L3MBTL2: variants seen among roughly 807,000 people sequenced by gnomAD.
L3MBTL2 encodes the protein L3MBTL histone methyl-lysine binding protein 2.
In L3MBTL2, 49 loss-of-function variants were observed where a neutral mutation model predicts 86.4. The observed-to-expected ratio is 0.57, with a 90% confidence interval of 0.45 to 0.72. The LOEUF (loss-of-function observed/expected upper bound fraction) is 0.72. L3MBTL2 is among the 30% of genes least tolerant of loss of function. The pLI is 0.00. For missense variants in L3MBTL2, 755 were observed against 923.7 expected (o/e 0.82, Z 2.37); for synonymous variants, 336 against 350.6 (o/e 0.96, Z 0.47).
intron 1 of L3MBTL2, chr22:41,205,916 A>G (rs1405728559): frequency 6.3e-6 from 1 of 159,112 alleles, no homozygotes; most frequent in Non-Finnish European, 1.4e-5. Context: ...GATTGGCACT[A>G]AGTCTGTCCG....
At chr22:41,208,263 G>A (rs766947575) in intron 1 of L3MBTL2, 104 of 417,720 alleles carry the variant, frequency 2.5e-4, no homozygotes, top group Non-Finnish European at 4.3e-4. Flanking sequence ...CCAAGAAGCT[G>A]GGACTACAGG....
intron 2 of L3MBTL2, among the ~76,000 whole-genome samples, chr22:41,213,149 A>G (rs1223340093): frequency 6.6e-6 from 1 of 152,108 alleles, no homozygotes; most frequent in African/African-American, 2.4e-5. Flanking sequence ...CCCGGGAGGC[A>G]GAGCTTGCAG....
chr22:41,208,960 C>T (rs1010327504), intron 1 of L3MBTL2, among the ~76,000 whole-genome samples: 2 of 152,070 alleles, frequency 1.3e-5, no homozygotes, highest in Admixed American at 6.6e-5. Context: ...CCAGGTTGGT[C>T]TTGAACTCCT....
At chr22:41,223,917 G>A in intron 8 of L3MBTL2, 103 bp from the exon 9 acceptor site, 1 of 891,174 alleles carries the variant, frequency 1.1e-6, no homozygotes, top group Non-Finnish European at 1.8e-6. Flanking sequence ...GACTGAGTGT[G>A]GGGGATAACA....
chr22:41,213,054 A>T (rs1045155211), intron 2 of L3MBTL2, among the ~76,000 whole-genome samples: 2 of 151,920 alleles, frequency 1.3e-5, no homozygotes, highest in African/African-American at 4.8e-5. Context: ...CGTCTCTACT[A>T]AAAACACAAA....
intron 1 of L3MBTL2, among the ~76,000 whole-genome samples, chr22:41,206,937 A>G (rs979330490): frequency 1.3e-5 from 2 of 152,216 alleles, no homozygotes; most frequent in Admixed American, 6.5e-5. Flanking sequence ...AGCAAGTCAC[A>G]CTTTTAGAGC....
intron 1 of L3MBTL2, chr22:41,209,464 C>T: frequency 2.1e-6 from 1 of 484,812 alleles, no homozygotes. Flanking sequence ...TTTGTAAATC[C>T]ACAGAGGAGC....
At chr22:41,217,056 G>A (rs1601511558) in intron 4 of L3MBTL2, 67 bp from the exon 5 acceptor site, 1 of 1,329,832 alleles carries the variant, frequency 7.5e-7, no homozygotes, top group Non-Finnish European at 1.1e-6. Flanking sequence ...CAGGGCCCTT[G>A]GGGTCCAGGC....
At chr22:41,210,053 T>C in intron 2 of L3MBTL2, 120 bp downstream of exon 2, 1 of 1,373,358 alleles carries the variant, frequency 7.3e-7, no homozygotes, top group Non-Finnish European at 9.8e-7. Flanking sequence ...AACTCTGATT[T>C]CTAAGGGATC....
At chr22:41,208,085 G>A (rs974108747) in intron 1 of L3MBTL2, among the ~76,000 whole-genome samples, 1 of 151,772 alleles carries the variant, frequency 6.6e-6, no homozygotes, top group African/African-American at 2.4e-5. Flanking sequence ...GCCCGCCTCG[G>A]TCACCCAAAG....
intron 8 of L3MBTL2, among the ~76,000 whole-genome samples, chr22:41,223,568 G>C (rs984371946): frequency 6.6e-6 from 1 of 152,202 alleles, no homozygotes; most frequent in Non-Finnish European, 1.5e-5. Context: ...GGGCTGGGAG[G>C]GGGCGGGGAG....
chr22:41,216,696 T>A (rs1683779765), intron 4 of L3MBTL2, among the ~76,000 whole-genome samples: 1 of 152,220 alleles, frequency 6.6e-6, no homozygotes, highest in African/African-American at 2.4e-5. Flanking sequence ...ATCATTGTTC[T>A]GAGTTTCTAA....
intron 3 of L3MBTL2, 109 bp from the exon 4 acceptor site, chr22:41,216,030 A>G (rs1464057727): frequency 7.3e-6 from 9 of 1,241,338 alleles, no homozygotes; most frequent in Non-Finnish European, 1.0e-5. Context: ...ACTGAAGCCC[A>G]AAAGAGGTTA....
chr22:41,230,290 G>T lies in L3MBTL2; in HGVS notation c.*39G>T, dbSNP rs768678438. On this transcript the variant is annotated 3_prime_UTR_variant, in exon 17 of 17. Transcript: ENST00000216237. ...CAGCCTGGCTTCTAGCTGGAAGCCA[G>T]CCCAGCGTTTCTCTACCACCACCAC... 1.3e-6 allele frequency: 2 copies of T among 1,502,484 alleles called. No individual in the cohort carries two copies. Among genetic ancestry groups the T allele is most frequent in the Non-Finnish European group, 9.3e-7 (1 of 1,079,876 alleles). The allele number at this position is 1,502,484 out of a possible 1,614,324, so 93.1% of individuals were successfully genotyped here. A position where few individuals can be genotyped will look rare whatever the true frequency, so the allele number is the denominator to read the frequency against.
At chr22:41,209,613 T>C in intron 1 of L3MBTL2, 83 bp from the exon 2 acceptor site, 1 of 1,191,986 alleles carries the variant, frequency 8.4e-7, no homozygotes. Context: ...GTGAGGGGGC[T>C]GATAGCAGAT....
At position 41,225,091 on chromosome 22, in the gene L3MBTL2, T is replaced by A. The variant is rs771976454; in HGVS notation, c.1356+20T>A. On this transcript the variant is annotated intron_variant, in intron 11 of 16. Coordinates refer to ENST00000216237, the MANE Select transcript of L3MBTL2 (RefSeq NM_031488.5). This position sits in a 1 kb window ranked among gnomAD's most constrained non-coding sequence, Gnocchi z 4.1. Reference sequence around the variant, plus strand: ...TGTAAGGTGAGCCAGGGGCCGGCTCTCCAGCCTCCAGATTTCTGAGCGGGG... The same window carrying A: ...TGTAAGGTGAGCCAGGGGCCGGCTCACCAGCCTCCAGATTTCTGAGCGGGG... 6 of 1,593,240 alleles carry A rather than the reference T, an allele frequency of 3.8e-6. No individual in the cohort carries two copies. The South Asian group carries it at 6.7e-5, about 18-fold the overall frequency.
Position 41,226,993 on chromosome 22 carries a change from C to T in L3MBTL2, c.1588-96C>T, listed in dbSNP as rs866333236. 5.3e-5 allele frequency: 58 copies of T among 1,103,258 alleles called. 3 individuals are homozygous for T. In the Middle Eastern group the frequency reaches 3.8e-3, roughly 73 times the overall value. 68.3% of individuals were successfully genotyped at this position (1,103,258 alleles called of 1,614,324 possible). On this transcript the variant is annotated intron_variant, in intron 13 of 16. Transcript: ENST00000216237. ...CCCAGCAGCCATTCCAGTCCCCGCC[C>T]CTCCCTGCCAGTTCTTCAAGTGCCT...
intron 2 of L3MBTL2, 93 bp downstream of exon 2, chr22:41,210,026 A>C (rs139439): frequency 0.37 from 558,499 of 1,502,552 alleles, 106,762 homozygotes; most frequent in African/African-American, 0.56. Context: ...AGAGCCATCC[A>C]GATGTAAAAG....
chr22:41,229,404 T>TG, intron 15 of L3MBTL2, 136 bp from the exon 16 acceptor site: 1 of 873,432 alleles, frequency 1.1e-6, no homozygotes, highest in African/African-American at 1.7e-5. Flanking sequence ...TTGTCAGAGT[T>TG]GGAGTCCAGG....
Sources: allele counts gnomAD v4.1 joint callset (sites outside exome capture counted in the v4.1 genomes callset), GRCh38; gene constraint gnomAD v4.1.1; non-coding constraint Gnocchi (gnomAD v3.1); transcripts MANE v1.5; gene names NCBI Gene and HGNC (gene_info 2026-07-23, HGNC 2026-07-21).